The following NR6A1 variants were observed in gnomAD, a reference collection of about 807,000 sequenced individuals.
NR6A1 encodes retinoic acid receptor-related testis-associated receptor.
A neutral mutation model predicts 59.1 loss-of-function variants in NR6A1; 7 were observed. The ratio of observed to expected loss-of-function variants is 0.12; its 90% CI spans 0.07 to 0.22. The LOEUF (loss-of-function observed/expected upper bound fraction) is 0.22. NR6A1 is among the 10% of genes least tolerant of loss of function. The probability of loss-of-function intolerance (pLI) is 1.00; values close to 1 mark genes in which losing one functional copy is unlikely to be tolerated. For synonymous variants in NR6A1, 243 were observed against 236.1 expected, an observed-to-expected ratio of 1.03 and a Z score of -0.27; for missense variants, 468 against 611.6, an observed-to-expected ratio of 0.77 and a Z score of 2.48.
chr9:124,633,036 G>C (rs1004769867), intron 2 of NR6A1, among the ~76,000 whole-genome samples: 1 of 152,150 alleles, frequency 6.6e-6, no homozygotes, highest in African/African-American at 2.4e-5. Flanking sequence ...GCTATGTTTT[G>C]AGGTGCTTCA....
chr9:124,538,354 G>A, intron 5 of NR6A1, 35 bp from the exon 6 acceptor site: 1 of 1,535,142 alleles, frequency 6.5e-7, no homozygotes. Context: ...ACAGAGCCAT[G>A]GCAAGTCTAG....
At position 124,612,500 on chromosome 9, in the gene NR6A1, T is replaced by C. The variant is rs192430383; in HGVS notation, c.143-57930A>G. Among the ~76,000 whole-genome samples the C allele has an allele frequency of 2.4e-4, 37 of 152,282 alleles. No individual in the cohort carries two copies. In the East Asian group the frequency reaches 4.8e-3, roughly 20 times the overall value. Reference sequence around the variant, plus strand: ...AGATACCCCAGCATCTCTTCAGGACTTAAAATAGCACTGCACCTAAAGGGA... The same window carrying C: ...AGATACCCCAGCATCTCTTCAGGACCTAAAATAGCACTGCACCTAAAGGGA... On this transcript the variant is annotated intron_variant, in intron 2 of 9. Transcript: ENST00000487099.
chr9:124,718,803 CTTTTTTTTTTTTT>C (rs11316308), intron 2 of NR6A1, among the ~76,000 whole-genome samples: 3 of 64,538 alleles, frequency 4.6e-5, no homozygotes, highest in African/African-American at 1.7e-4. Context: ...AAATTGTTAC[CTTTTTTTTTTTTT>C]TTTTTTTTTT....
At chr9:124,646,424 T>C (rs1320840974) in intron 2 of NR6A1, among the ~76,000 whole-genome samples, 1 of 152,122 alleles carries the variant, frequency 6.6e-6, no homozygotes, top group African/African-American at 2.4e-5. Flanking sequence ...TAAAACAGTG[T>C]CTGTCAATCG....
intron 2 of NR6A1, among the ~76,000 whole-genome samples, chr9:124,655,588 A>G (rs1055747138): frequency 6.6e-6 from 1 of 152,232 alleles, no homozygotes; most frequent in Non-Finnish European, 1.5e-5. Flanking sequence ...CAGCCCAGGA[A>G]GGGCTCACAG....
chr9:124,644,494 C>G (rs975194522), intron 2 of NR6A1, among the ~76,000 whole-genome samples: 10 of 151,914 alleles, frequency 6.6e-5, no homozygotes, highest in African/African-American at 2.4e-4. Context: ...TCAGGTGATC[C>G]GCCCGCCTCA....
At chr9:124,645,599 T>A (rs1481551750) in intron 2 of NR6A1, among the ~76,000 whole-genome samples, 7 of 151,974 alleles carry the variant, frequency 4.6e-5, no homozygotes, top group Admixed American at 4.6e-4. Flanking sequence ...GACATAACAA[T>A]CCTAATGTGT....
At chr9:124,703,875 G>A (rs1046013316) in intron 2 of NR6A1, among the ~76,000 whole-genome samples, 3 of 151,812 alleles carry the variant, frequency 2.0e-5, no homozygotes, top group Non-Finnish European at 2.9e-5. Flanking sequence ...GCTCAGGCTA[G>A]CCTTCAACTC....
chr9:124,728,584 G>A (rs962341780), intron 2 of NR6A1, among the ~76,000 whole-genome samples: 7 of 151,844 alleles, frequency 4.6e-5, no homozygotes, highest in African/African-American at 1.5e-4. Flanking sequence ...GCAGTGAGCC[G>A]AGATGGCACC....
chr9:124,700,020 C>CT (rs953915774), intron 2 of NR6A1, among the ~76,000 whole-genome samples: 72 of 151,122 alleles, frequency 4.8e-4, no homozygotes, highest in East Asian at 1.6e-3. Flanking sequence ...CCACACCCGC[C>CT]TTTTTTTTTA....
chr9:124,658,571 T>G (rs1426617226), intron 2 of NR6A1: 1 of 152,190 alleles, frequency 6.6e-6, no homozygotes, highest in Non-Finnish European at 1.5e-5. Context: ...GTTCCATTTC[T>G]ACAGCAAGAA....
chr9:124,729,542 C>T (rs1014348822), intron 2 of NR6A1, among the ~76,000 whole-genome samples: 8 of 152,100 alleles, frequency 5.3e-5, no homozygotes, highest in African/African-American at 1.7e-4. Flanking sequence ...CATGACTATG[C>T]CACTGCACTA....
intron 3 of NR6A1, among the ~76,000 whole-genome samples, chr9:124,545,298 T>C (rs1833565831): frequency 1.3e-5 from 2 of 152,252 alleles, no homozygotes; most frequent in South Asian, 2.1e-4. Flanking sequence ...GGGCCTTGCA[T>C]GTAAAGTAAG....
chr9:124,672,935 T>C (rs1359056203), intron 2 of NR6A1, among the ~76,000 whole-genome samples: 1 of 151,938 alleles, frequency 6.6e-6, no homozygotes, highest in Non-Finnish European at 1.5e-5. Flanking sequence ...ATAAAAGACA[T>C]TTGGGGAAAG....
chr9:124,720,343 G>A (rs1178168503), intron 2 of NR6A1, among the ~76,000 whole-genome samples: 2 of 152,062 alleles, frequency 1.3e-5, no homozygotes, highest in Non-Finnish European at 2.9e-5. Flanking sequence ...GAGCCACCAC[G>A]CCCGGCCATC....
At chr9:124,644,616 A>G (rs1298050779) in intron 2 of NR6A1, among the ~76,000 whole-genome samples, 1 of 152,168 alleles carries the variant, frequency 6.6e-6, no homozygotes, top group Non-Finnish European at 1.5e-5. Context: ...TAAAAGGGAA[A>G]AAGTTGTATC....
intron 2 of NR6A1, among the ~76,000 whole-genome samples, chr9:124,637,362 G>C (rs1051953111): frequency 6.6e-6 from 1 of 152,146 alleles, no homozygotes; most frequent in African/African-American, 2.4e-5. Context: ...AGGCTAAAAA[G>C]CTGGAATTCT....
At chr9:124,556,991 C>T (rs187241922) in intron 2 of NR6A1, among the ~76,000 whole-genome samples, 5 of 151,726 alleles carry the variant, frequency 3.3e-5, no homozygotes, top group Admixed American at 2.0e-4. Context: ...AAATGGAGAA[C>T]GACAGATATG....
chr9:124,575,769 G>T (rs1391380077), intron 2 of NR6A1, among the ~76,000 whole-genome samples: 1 of 152,124 alleles, frequency 6.6e-6, no homozygotes, highest in Admixed American at 6.5e-5. Context: ...AATGTGAACA[G>T]AGTTAATACA....
Sources: gnomAD v4.1 joint callset for allele counts (sites outside exome capture counted in the v4.1 genomes callset) on GRCh38, gnomAD v4.1.1 for gene constraint, MANE v1.5 for transcripts, NCBI Gene and HGNC (gene_info 2026-07-23, HGNC 2026-07-21) for gene names.